GLIS3: variants seen among roughly 807,000 people sequenced by gnomAD.
GLIS3 encodes GLIS family zinc finger 3.
A neutral mutation model predicts 78.6 loss-of-function variants in GLIS3; 53 were observed. The observed-to-expected ratio is 0.67, with a 90% CI of 0.54 to 0.85. The LOEUF is 0.85. Ranked by LOEUF, GLIS3 falls within the 40% of genes least tolerant of loss-of-function variation. The probability of loss-of-function intolerance (pLI) is 0.00; values close to 1 mark genes in which losing one functional copy is unlikely to be tolerated. For synonymous variants in GLIS3, 684 were observed against 509.9 expected, an observed-to-expected ratio of 1.34 and a Z score of -4.60; for missense variants, 1,703 against 1,231.1, an observed-to-expected ratio of 1.38 and a Z score of -5.74.
At chr9:4,152,044 A>T in intron 2 of GLIS3, 1 of 607,160 alleles carries the variant, frequency 1.6e-6, no homozygotes, top group Non-Finnish European at 2.1e-6. Context: ...AGAACCTCAA[A>T]CCCTCCCAGT....
intron 9 of GLIS3, among the ~76,000 whole-genome samples, chr9:3,854,826 G>C (rs1289638470): frequency 1.3e-5 from 2 of 152,062 alleles, no homozygotes; most frequent in Non-Finnish European, 2.9e-5. Flanking sequence ...TTACAGGCGT[G>C]AGCCACCATG....
At chr9:4,000,248 G>C (rs954452072) in intron 4 of GLIS3, among the ~76,000 whole-genome samples, 1 of 152,124 alleles carries the variant, frequency 6.6e-6, no homozygotes, top group African/African-American at 2.4e-5. Flanking sequence ...ATATTTAGTA[G>C]GATCCTATTA....
the GLIS3 span, among the ~76,000 whole-genome samples, chr9:4,415,674 T>C: frequency 2.3e-4 from 35 of 152,216 alleles, no homozygotes; most frequent in Non-Finnish European, 4.6e-4. Flanking sequence ...CAACAATAGA[T>C]TGACCTTTTT....
intron 4 of GLIS3, among the ~76,000 whole-genome samples, chr9:3,941,942 A>C (rs1371827690): frequency 6.6e-6 from 1 of 152,248 alleles, no homozygotes; most frequent in African/African-American, 2.4e-5. Context: ...AGTGGCATTA[A>C]GATGACCTTT....
chr9:3,959,921 G>A (rs1817431685), intron 4 of GLIS3, among the ~76,000 whole-genome samples: 1 of 152,194 alleles, frequency 6.6e-6, no homozygotes, highest in Non-Finnish European at 1.5e-5. Flanking sequence ...GGAGGCCGAG[G>A]CAGGCGGACC....
chr9:4,240,470 T>A (rs1485698222), intron 2 of GLIS3, among the ~76,000 whole-genome samples: 1 of 152,058 alleles, frequency 6.6e-6, no homozygotes, highest in Non-Finnish European at 1.5e-5. Context: ...TGGGAACCCC[T>A]GATCTAAAGC....
intron 2 of GLIS3, among the ~76,000 whole-genome samples, chr9:4,182,159 A>G (rs748547162): frequency 6.6e-6 from 1 of 152,172 alleles, no homozygotes; most frequent in Non-Finnish European, 1.5e-5. Flanking sequence ...GGGGTTTGTT[A>G]ACGTTATTGT....
intron 2 of GLIS3, among the ~76,000 whole-genome samples, chr9:4,322,024 C>T (rs998920148): frequency 6.6e-6 from 1 of 152,070 alleles, no homozygotes; most frequent in Non-Finnish European, 1.5e-5. Flanking sequence ...GCTATCCCTC[C>T]CCCATCCCCC....
intron 4 of GLIS3, among the ~76,000 whole-genome samples, chr9:4,021,177 A>G (rs1269220794): frequency 6.6e-6 from 1 of 152,174 alleles, no homozygotes; most frequent in Non-Finnish European, 1.5e-5. Flanking sequence ...GTATATGTAT[A>G]TGTATATGTG....
chr9:3,827,075 C>G lies in GLIS3; in HGVS notation c.*1197G>C, dbSNP rs10973690. On this transcript the variant is annotated 3_prime_UTR_variant, in exon 11 of 11. Transcript: ENST00000381971. Reference sequence around the variant, plus strand: ...TCTGTAGACTTTTCGAGAACTGTCACCTCTACCTTCCCAAGATGATCAGAC... The same window carrying G: ...TCTGTAGACTTTTCGAGAACTGTCAGCTCTACCTTCCCAAGATGATCAGAC... The G allele has an allele frequency of 0.4, 60,200 of 152,056 alleles. 12,824 individuals carry two copies. The highest frequency in any genetic ancestry group is 0.58 in the East Asian group (3,016 of 5,170). The allele number at this position is 152,056 out of a possible 1,614,324, so 9.4% of individuals were successfully genotyped here. A position where few individuals can be genotyped will look rare whatever the true frequency, so the allele number is the denominator to read the frequency against.
At chr9:3,899,089 T>C (rs1209387687) in intron 6 of GLIS3, 2 of 536,786 alleles carry the variant, frequency 3.7e-6, no homozygotes, top group African/African-American at 3.8e-5. Flanking sequence ...TTTCCACTTC[T>C]GGCAACTCAA....
At chr9:4,229,686 A>G (rs1822087818) in intron 2 of GLIS3, among the ~76,000 whole-genome samples, 1 of 152,244 alleles carries the variant, frequency 6.6e-6, no homozygotes, top group Non-Finnish European at 1.5e-5. Flanking sequence ...TTTTATTACA[A>G]TATTACTTCT....
chr9:3,951,908 T>C (rs1816724230), intron 4 of GLIS3, among the ~76,000 whole-genome samples: 1 of 135,178 alleles, frequency 7.4e-6, no homozygotes, highest in Non-Finnish European at 1.6e-5. Context: ...CCACTGGCCT[T>C]TCTGGATGAT....
intron 2 of GLIS3, among the ~76,000 whole-genome samples, chr9:4,270,877 T>G (rs540899082): frequency 4.6e-4 from 70 of 150,752 alleles, no homozygotes; most frequent in Non-Finnish European, 2.9e-4. Context: ...AATCTCTCTC[T>G]CAATCTGTGT....
intron 4 of GLIS3, among the ~76,000 whole-genome samples, chr9:4,095,643 C>T (rs116950041): frequency 0.013 from 2,011 of 152,244 alleles, 31 homozygotes; most frequent in Non-Finnish European, 0.02. Context: ...CAAGACAACA[C>T]TACTCATCCG....
chr9:4,450,747 T>A, the GLIS3 span, among the ~76,000 whole-genome samples: 1 of 152,178 alleles, frequency 6.6e-6, no homozygotes, highest in African/African-American at 2.4e-5. Flanking sequence ...CCAGCCAAAC[T>A]AAGCTTCACA....
intron 8 of GLIS3, among the ~76,000 whole-genome samples, chr9:3,857,265 G>A (rs1229857089): frequency 1.3e-5 from 2 of 152,186 alleles, no homozygotes; most frequent in African/African-American, 4.8e-5. Flanking sequence ...AGAAAGACAG[G>A]CTTTGTTTTG....
At chr9:4,193,809 T>G (rs562010344) in intron 2 of GLIS3, among the ~76,000 whole-genome samples, 5 of 152,326 alleles carry the variant, frequency 3.3e-5, no homozygotes, top group African/African-American at 1.2e-4. Context: ...GCACCGAACC[T>G]CCATTCATTT....
chr9:4,460,606 T>C, the GLIS3 span, among the ~76,000 whole-genome samples: 3 of 143,044 alleles, frequency 2.1e-5, no homozygotes, highest in South Asian at 6.5e-4. Context: ...AAATGTGCTG[T>C]TGACATCTCA....
Sources: gnomAD v4.1 joint callset for allele counts (sites outside exome capture counted in the v4.1 genomes callset) on GRCh38, gnomAD v4.1.1 for gene constraint, MANE v1.5 for transcripts, NCBI Gene and HGNC (gene_info 2026-07-23, HGNC 2026-07-21) for gene names.